The following MBD5 variants were observed in gnomAD, a reference collection of about 807,000 sequenced individuals.
MBD5 encodes the protein methyl-CpG-binding domain protein 5.
In MBD5, 13 loss-of-function variants were observed where a neutral mutation model predicts 117.3. The observed-to-expected ratio is 0.11, with a 90% CI of 0.07 to 0.18. The LOEUF is 0.18. Among genes scored for constraint, MBD5 ranks in the 10% least tolerant of loss-of-function variants. The pLI is 1.00. For synonymous variants in MBD5, 727 were observed against 766.4 expected, an observed-to-expected ratio of 0.95 and a Z score of 0.85; for missense variants, 1,879 against 2,093.8, an observed-to-expected ratio of 0.90 and a Z score of 2.00.
intron 1 of MBD5, among the ~76,000 whole-genome samples, chr2:148,091,765 A>G (rs1695949644): frequency 1.3e-5 from 2 of 152,218 alleles, no homozygotes. Context: ...GTTGATGACC[A>G]AGAACCCAAA....
intron 4 of MBD5, among the ~76,000 whole-genome samples, chr2:148,443,400 C>T (rs1290667349): frequency 6.6e-6 from 1 of 151,268 alleles, no homozygotes; most frequent in East Asian, 1.9e-4. Context: ...TAGGTAGATA[C>T]CCAAAAGAAT....
At chr2:148,031,111 A>C (rs1694025417) in intron 1 of MBD5, among the ~76,000 whole-genome samples, 2 of 152,184 alleles carry the variant, frequency 1.3e-5, no homozygotes, top group Non-Finnish European at 2.9e-5. Context: ...TTATTATTTT[A>C]ATCAGTGATC....
At chr2:148,179,792 G>T (rs189038877) in intron 2 of MBD5, among the ~76,000 whole-genome samples, 1 of 152,192 alleles carries the variant, frequency 6.6e-6, no homozygotes, top group African/African-American at 2.4e-5. Flanking sequence ...GACAATGGAA[G>T]CCTGGAGAGT....
rs1253958139 is a variant in MBD5, at chr2:148,149,625, C to T, written c.-924-29075C>T. Among the ~76,000 whole-genome samples, 182 of 151,806 alleles carry T rather than the reference C, an allele frequency of 1.2e-3. 2 individuals carry two copies. Among genetic ancestry groups the T allele is most frequent in the African/African-American group, 4.0e-3 (168 of 41,482 alleles). On this transcript the variant is annotated intron_variant, in intron 1 of 13. Transcript: ENST00000642680. ...TGTTGTTTCCTGACTTTTTAATGAT[C>T]GCCATTCTAACTGGTGTGAGATGGT...
At chr2:148,476,233 C>G (rs1411536497) in intron 8 of MBD5, among the ~76,000 whole-genome samples, 1 of 152,158 alleles carries the variant, frequency 6.6e-6, no homozygotes, top group Non-Finnish European at 1.5e-5. Flanking sequence ...GAGCACAGCT[C>G]CATAGACCAT....
At position 148,424,177 on chromosome 2, in the gene MBD5, C is replaced by CAAAAAAAAAA. The variant is rs56740583; in HGVS notation, c.-556-33996_-556-33987dup. ...TGGGCAACAGAGCAAGACTCTGTCT[C>CAAAAAAAAAA]AAAAAAAAAAAAAAAAAAAAAAAAA... On this transcript the variant is annotated intron_variant, in intron 4 of 13. Coordinates refer to ENST00000642680, the MANE Select transcript of MBD5 (RefSeq NM_001378120.1). 9.9e-4 allele frequency among the ~76,000 whole-genome samples: 53 copies of CAAAAAAAAAA among 53,456 alleles called. 8 individuals are homozygous for CAAAAAAAAAA. The highest frequency in any genetic ancestry group is 1.7e-3 in the Non-Finnish European group (40 of 23,300). 35.1% of individuals were successfully genotyped at this position (53,456 alleles called of 152,430 possible).
At chr2:148,329,768 A>G (rs1702582296) in intron 3 of MBD5, among the ~76,000 whole-genome samples, 1 of 152,214 alleles carries the variant, frequency 6.6e-6, no homozygotes, top group Non-Finnish European at 1.5e-5. Context: ...TGTATTCACA[A>G]ATAATATCCA....
intron 4 of MBD5, among the ~76,000 whole-genome samples, chr2:148,387,057 T>C (rs189278370): frequency 5.9e-5 from 9 of 152,284 alleles, no homozygotes; most frequent in African/African-American, 2.2e-4. Context: ...CTCAGCAATG[T>C]ACATCTATAT....
At chr2:148,323,099 G>C (rs981910035) in intron 3 of MBD5, among the ~76,000 whole-genome samples, 3 of 151,202 alleles carry the variant, frequency 2.0e-5, no homozygotes, top group African/African-American at 7.3e-5. Flanking sequence ...TGCGGTGTTT[G>C]GTTTTTTGTT....
chr2:148,315,519 G>A (rs1702137854), intron 3 of MBD5, among the ~76,000 whole-genome samples: 1 of 152,126 alleles, frequency 6.6e-6, no homozygotes, highest in African/African-American at 2.4e-5. Flanking sequence ...TTTATCCTGG[G>A]CCTTCCAGTG....
At chr2:148,430,052 C>G (rs778023360) in intron 4 of MBD5, among the ~76,000 whole-genome samples, 1 of 152,074 alleles carries the variant, frequency 6.6e-6, no homozygotes, top group Non-Finnish European at 1.5e-5. Context: ...TTGGCAATAA[C>G]ATTTTCTTAT....
At chr2:148,210,261 A>G (rs1305705015) in intron 2 of MBD5, among the ~76,000 whole-genome samples, 1 of 152,206 alleles carries the variant, frequency 6.6e-6, no homozygotes, top group African/African-American at 2.4e-5. Context: ...ACCAGTTGCT[A>G]CTACTAAATT....
At chr2:148,288,325 G>C (rs924001004) in intron 3 of MBD5, among the ~76,000 whole-genome samples, 1 of 105,264 alleles carries the variant, frequency 9.5e-6, no homozygotes, top group East Asian at 4.4e-4. Context: ...GCGTGAACCC[G>C]GGAGGCGGAG....
intron 4 of MBD5, among the ~76,000 whole-genome samples, chr2:148,427,264 A>C (rs563743226): frequency 6.6e-6 from 1 of 152,318 alleles, no homozygotes; most frequent in African/African-American, 2.4e-5. Context: ...GGGATCTAGA[A>C]CTAGAAACAC....
At chr2:148,495,926 TG>T (rs974561940) in intron 11 of MBD5, among the ~76,000 whole-genome samples, 19 of 152,240 alleles carry the variant, frequency 1.2e-4, no homozygotes, top group African/African-American at 4.6e-4. Flanking sequence ...CCTTGCATTC[TG>T]GGGGTGTGTA....
rs200077401 is a variant in MBD5 at position 148,168,978 on chromosome 2, A to AATAT, written c.-924-9709_-924-9706dup. ...GTATATATAGGATATATATACGTAT[A>AATAT]ATATATATATATATATTCCAAAAGT... On this transcript the variant is annotated intron_variant, in intron 1 of 13. Transcript: ENST00000642680. Among the ~76,000 whole-genome samples the AATAT allele has an allele frequency of 2.8e-3, 410 of 147,416 alleles. 24 individuals are homozygous for AATAT. In the South Asian group the frequency reaches 0.085, roughly 31 times the overall value.
intron 2 of MBD5, among the ~76,000 whole-genome samples, chr2:148,200,444 C>G (rs143866694): frequency 0.012 from 1,866 of 152,226 alleles, 43 homozygotes; most frequent in African/African-American, 0.042. Context: ...GTAATCCCAG[C>G]ACTTTGGGAG....
chr2:148,412,525 T>C (rs1475839602), intron 4 of MBD5, among the ~76,000 whole-genome samples: 1 of 152,128 alleles, frequency 6.6e-6, no homozygotes, highest in Non-Finnish European at 1.5e-5. Context: ...AGGAATAGCA[T>C]TGAATCTGTA....
intron 2 of MBD5, among the ~76,000 whole-genome samples, chr2:148,224,793 G>A (rs550772541): frequency 1.3e-5 from 2 of 151,728 alleles, no homozygotes; most frequent in Non-Finnish European, 2.9e-5. Flanking sequence ...TTGCTGAATT[G>A]ACCCCTTTAT....
Sources: gnomAD v4.1 joint callset for allele counts (sites outside exome capture counted in the v4.1 genomes callset) on GRCh38, gnomAD v4.1.1 for gene constraint, MANE v1.5 for transcripts, NCBI Gene and HGNC (gene_info 2026-07-23, HGNC 2026-07-21) for gene names.